Variants in CHRM3 observed in about 807,000 individuals in gnomAD.
CHRM3 encodes the protein muscarinic acetylcholine receptor M3.
CHRM3 carries 11 observed loss-of-function variants against 41.8 expected under a neutral mutation model. The observed-to-expected ratio is 0.26, with a 90% confidence interval of 0.17 to 0.44. CHRM3 has a LOEUF of 0.44. CHRM3 is among the 20% of genes least tolerant of loss of function. CHRM3 has a pLI of 1.00. For missense variants in CHRM3, 571 were observed against 745.4 expected, an observed-to-expected ratio of 0.77 and a Z score of 2.72; for synonymous variants, 297 against 301.4, an observed-to-expected ratio of 0.99 and a Z score of 0.15.
chr1:239,702,799 A>G (rs1466864068), intron 5 of CHRM3, among the ~76,000 whole-genome samples: 1 of 152,190 alleles, frequency 6.6e-6, no homozygotes, highest in Admixed American at 6.5e-5. Flanking sequence ...AATTTAATTC[A>G]CTTAGTTATA....
chr1:239,857,332 C>G (rs935254702), intron 6 of CHRM3, among the ~76,000 whole-genome samples: 2 of 151,982 alleles, frequency 1.3e-5, no homozygotes, highest in African/African-American at 2.4e-5. Context: ...CATTTGGAAC[C>G]AGAATCTCTC....
Position 239,484,813 on chromosome 1 carries a change from C to T in CHRM3, c.-520-7896C>T, listed in dbSNP as rs1312764163. ...GTCAGAGCCAGTGGCACAGAGTACACACCGTGTACATCTTCTATCCTTGGG... is the reference window on the plus strand; with the variant it reads ...GTCAGAGCCAGTGGCACAGAGTACATACCGTGTACATCTTCTATCCTTGGG... On this transcript the variant is annotated intron_variant, in intron 1 of 6. Transcript: ENST00000676153. Among the ~76,000 whole-genome samples, 3 of 152,290 alleles carry T rather than the reference C, an allele frequency of 2.0e-5. No homozygotes were observed. In the East Asian group the frequency reaches 5.8e-4, roughly 29 times the overall value.
intron 3 of CHRM3, among the ~76,000 whole-genome samples, chr1:239,557,119 C>T (rs1660438990): frequency 1.3e-5 from 2 of 152,124 alleles, no homozygotes; most frequent in Admixed American, 1.3e-4. Flanking sequence ...TCTTCTTTTG[C>T]TCTGAATCTG....
intron 3 of CHRM3, among the ~76,000 whole-genome samples, chr1:239,627,004 G>T (rs1330948122): frequency 7.8e-6 from 1 of 128,968 alleles, no homozygotes; most frequent in Non-Finnish European, 1.7e-5. Flanking sequence ...GAGTTCTGTA[G>T]ATGTCTATTA....
At chr1:239,785,405 T>TAAATG in intron 5 of CHRM3, among the ~76,000 whole-genome samples, 1 of 152,342 alleles carries the variant, frequency 6.6e-6, no homozygotes, top group Middle Eastern at 3.4e-3. Context: ...AAATGGGTTT[T>TAAATG]GGAATTTAGT....
chr1:239,816,232 T>C (rs1053767821), intron 5 of CHRM3, among the ~76,000 whole-genome samples: 1 of 152,194 alleles, frequency 6.6e-6, no homozygotes, highest in Non-Finnish European at 1.5e-5. Context: ...TGGCTGCTGC[T>C]GCCCCTCCCA....
At chr1:239,879,980 C>G (rs577095257) in intron 6 of CHRM3, among the ~76,000 whole-genome samples, 2 of 152,190 alleles carry the variant, frequency 1.3e-5, no homozygotes, top group African/African-American at 4.8e-5. Flanking sequence ...CTTGTTCTGC[C>G]TGTCACACAG....
At chr1:239,630,961 C>T (rs1669753164) in intron 3 of CHRM3, among the ~76,000 whole-genome samples, 1 of 152,008 alleles carries the variant, frequency 6.6e-6, no homozygotes, top group African/African-American at 2.4e-5. Context: ...TTGCTTGGGT[C>T]AGTTGCCCTC....
intron 5 of CHRM3, among the ~76,000 whole-genome samples, chr1:239,798,051 CAA>C (rs954150307): frequency 6.6e-6 from 1 of 151,084 alleles, no homozygotes; most frequent in Admixed American, 6.6e-5. Flanking sequence ...CCTATCTCTA[CAA>C]AAAAAAATGT....
At chr1:239,756,258 A>C (rs1001059785) in intron 5 of CHRM3, among the ~76,000 whole-genome samples, 11 of 152,150 alleles carry the variant, frequency 7.2e-5, no homozygotes, top group Non-Finnish European at 1.3e-4. Flanking sequence ...TTGACTTCTC[A>C]ACACTCATTA....
At chr1:239,789,563 G>C (rs1669177578) in intron 5 of CHRM3, among the ~76,000 whole-genome samples, 1 of 152,164 alleles carries the variant, frequency 6.6e-6, no homozygotes, top group African/African-American at 2.4e-5. Context: ...GAAGGTGAAG[G>C]GGAGCTGGCA....
intron 5 of CHRM3, among the ~76,000 whole-genome samples, chr1:239,801,316 T>C (rs939772635): frequency 3.3e-5 from 5 of 152,346 alleles, no homozygotes; most frequent in African/African-American, 1.2e-4. Flanking sequence ...GATTTAGGGC[T>C]TCCTGAAGTA....
At chr1:239,849,762 A>G (rs922014118) in intron 6 of CHRM3, among the ~76,000 whole-genome samples, 9 of 152,156 alleles carry the variant, frequency 5.9e-5, no homozygotes, top group African/African-American at 1.9e-4. Flanking sequence ...ATGAGATAAT[A>G]ATGGTACCTG....
chr1:239,898,175 C>T (rs1343409288), intron 6 of CHRM3: 1 of 152,150 alleles, frequency 6.6e-6, no homozygotes, highest in Non-Finnish European at 1.5e-5. Context: ...TTTAAAGACA[C>T]GTTTGATTGC....
At chr1:239,617,166 T>C (rs1667724514) in intron 3 of CHRM3, among the ~76,000 whole-genome samples, 1 of 152,224 alleles carries the variant, frequency 6.6e-6, no homozygotes, top group South Asian at 2.1e-4. Flanking sequence ...AGTCCACATC[T>C]CAGTTTTGAC....
intron 1 of CHRM3, among the ~76,000 whole-genome samples, chr1:239,431,774 T>G (rs1417058397): frequency 1.3e-5 from 2 of 152,166 alleles, no homozygotes; most frequent in African/African-American, 4.8e-5. Flanking sequence ...CTTAGAAAAT[T>G]TGAAATACTA....
In CHRM3 at chr1:239,746,675, A is replaced by T. The variant is rs538752945; in HGVS notation, c.-147+68387A>T. On this transcript the variant is annotated intron_variant, in intron 5 of 6. Coordinates refer to ENST00000676153, the MANE Select transcript of CHRM3 (RefSeq NM_001375978.1). ...TTTGAAGGATCAAAAAATATATTTAAATAAAGGGATTTCTTTTGTCTGTTT... is the reference window on the plus strand; with the variant it reads ...TTTGAAGGATCAAAAAATATATTTATATAAAGGGATTTCTTTTGTCTGTTT... 5.3e-5 allele frequency among the ~76,000 whole-genome samples: 8 copies of T among 152,324 alleles called. No homozygotes were observed. The South Asian group carries it at 1.7e-3, about 32-fold the overall frequency.
intron 4 of CHRM3, among the ~76,000 whole-genome samples, chr1:239,665,853 T>G (rs910026048): frequency 6.6e-6 from 1 of 152,204 alleles, no homozygotes; most frequent in African/African-American, 2.4e-5. Flanking sequence ...GAATTCATCC[T>G]TTTTTATGGT....
intron 5 of CHRM3, among the ~76,000 whole-genome samples, chr1:239,723,663 G>A (rs1663179529): frequency 6.6e-6 from 1 of 151,914 alleles, no homozygotes; most frequent in African/African-American, 2.4e-5. Context: ...ATCATTTGCA[G>A]GATATAAGGT....
Sources: gnomAD v4.1 joint callset for allele counts (sites outside exome capture counted in the v4.1 genomes callset) on GRCh38, gnomAD v4.1.1 for gene constraint, MANE v1.5 for transcripts, NCBI Gene and HGNC (gene_info 2026-07-23, HGNC 2026-07-21) for gene names.